TENM4: variants seen among roughly 807,000 people sequenced by gnomAD.
The protein encoded by TENM4 is teneurin transmembrane protein 4.
A neutral mutation model predicts 243.3 loss-of-function variants in TENM4; 82 were observed. The observed-to-expected ratio is 0.34, with a 90% CI of 0.28 to 0.40. TENM4 has a LOEUF of 0.40. Among genes scored for constraint, TENM4 ranks in the 10% least tolerant of loss-of-function variants. The pLI, the probability that TENM4 is intolerant of heterozygous loss-of-function variation, is 1.00. For missense variants in TENM4, 3,138 were observed against 3,673.3 expected, an observed-to-expected ratio of 0.85 and a Z score of 3.77; for synonymous variants, 1,412 against 1,456.3, an observed-to-expected ratio of 0.97 and a Z score of 0.69.
At chr11:78,780,030 T>G (rs371272625) in intron 16 of TENM4, among the ~76,000 whole-genome samples, 2 of 152,082 alleles carry the variant, frequency 1.3e-5, no homozygotes, top group East Asian at 1.9e-4. Flanking sequence ...AGTGGAAAAT[T>G]GGGAAGAGGA....
chr11:78,902,279 C>T (rs978780856), intron 7 of TENM4, among the ~76,000 whole-genome samples: 1 of 152,198 alleles, frequency 6.6e-6, no homozygotes, highest in African/African-American at 2.4e-5. Flanking sequence ...TAGTTTTCTG[C>T]ATTTTCTCCG....
chr11:78,972,745 C>G (rs1459205426), intron 6 of TENM4, among the ~76,000 whole-genome samples: 1 of 152,190 alleles, frequency 6.6e-6, no homozygotes, highest in Non-Finnish European at 1.5e-5. Context: ...AGTATATTCA[C>G]AGAGTATTGC....
intron 2 of TENM4, among the ~76,000 whole-genome samples, chr11:79,285,173 G>A (rs1182288257): frequency 6.6e-6 from 1 of 152,112 alleles, no homozygotes; most frequent in Non-Finnish European, 1.5e-5. Flanking sequence ...GGGAGGCAGA[G>A]GTTGCAGTGA....
chr11:79,373,314 C>T (rs892742405), intron 1 of TENM4, among the ~76,000 whole-genome samples: 1 of 141,918 alleles, frequency 7.0e-6, no homozygotes, highest in Non-Finnish European at 1.5e-5. Context: ...GGCTGGCTGG[C>T]TGGCTGGCTG....
Position 78,889,889 on chromosome 11 carries a change from G to C in TENM4, c.980C>G (p.Ala327Gly). 1 of 1,551,822 alleles carries C rather than the reference G, an allele frequency of 6.4e-7. No individual in the cohort carries two copies. The highest frequency in any genetic ancestry group is 8.7e-7 in the Non-Finnish European group (1 of 1,147,022). ...PLPRSTFARP[A>G]FNLKKPSKYC... ...CTTGGAGGGCTTCTTGAGGTTAAAG[G>C]CCGGCCGGGCGAAGGTGCTGCGGGG... is the stretch of plus-strand genomic sequence containing the variant. Residue 327 changes from alanine (A) to glycine (G), a missense_variant, in exon 9 of 34, where the codon GCC (alanine) becomes GGC (glycine). Physicochemically the swap from Ala to Gly is moderately conservative, Grantham distance 60. This residue lies in a region of TENM4 where 671 missense variants were observed against 614.1 expected (regional missense o/e 1.09). Coordinates refer to ENST00000278550, the MANE Select transcript of TENM4 (RefSeq NM_001098816.3).
rs531035580 is a variant in TENM4 at position 78,881,353 on chromosome 11, G to T, written c.1084+8432C>A. Among the ~76,000 whole-genome samples, 10 of 152,310 alleles carry T rather than the reference G, an allele frequency of 6.6e-5. No homozygotes were observed. In the South Asian group the frequency reaches 1.9e-3, roughly 28 times the overall value. ...TGGTTCCCTTGAGCTGTGACTTCTGGTTGGGTTCCACCACCAGGAGGAGGT... is the reference window on the plus strand; with the variant it reads ...TGGTTCCCTTGAGCTGTGACTTCTGTTTGGGTTCCACCACCAGGAGGAGGT... On this transcript the variant is annotated intron_variant, in intron 9 of 33. Coordinates refer to ENST00000278550, the MANE Select transcript of TENM4 (RefSeq NM_001098816.3).
intron 3 of TENM4, among the ~76,000 whole-genome samples, chr11:79,164,973 G>A (rs1001403148): frequency 5.9e-5 from 9 of 151,700 alleles, no homozygotes; most frequent in South Asian, 2.1e-4. Context: ...GTGTGTGTGT[G>A]TGTGTGTGTG....
intron 3 of TENM4, among the ~76,000 whole-genome samples, chr11:79,166,906 A>G (rs1862927238): frequency 6.6e-6 from 1 of 152,240 alleles, no homozygotes; most frequent in Admixed American, 6.5e-5. Context: ...TATGGTGTGC[A>G]GAAGAATTTC....
Position 78,670,354 on chromosome 11 carries a change from G to T in TENM4, c.5991C>A (p.His1997Gln). ...SVIQDFTEDG[H>Q]LLHTFYLGTG... Reference sequence around the variant, plus strand: ...TGCCCAGGTAGAAGGTGTGAAGGAGGTGCCCATCCTCAGTGAAGTCCTGTA... The same window carrying T: ...TGCCCAGGTAGAAGGTGTGAAGGAGTTGCCCATCCTCAGTGAAGTCCTGTA... Residue 1997 changes from histidine to glutamine, a missense_variant, in exon 32 of 34, where the codon CAC (histidine) becomes CAA (glutamine). Physicochemically the swap from His to Gln is conservative, Grantham distance 24 (BLOSUM62 0). Transcript: ENST00000278550. 6.2e-7 allele frequency: 1 copy of T among 1,613,866 alleles called. No homozygotes were observed. The highest frequency in any genetic ancestry group is 8.5e-7 in the Non-Finnish European group (1 of 1,179,856).
intron 6 of TENM4, among the ~76,000 whole-genome samples, chr11:78,997,573 A>G (rs1377230936): frequency 1.3e-5 from 2 of 152,202 alleles, no homozygotes; most frequent in Non-Finnish European, 2.9e-5. Context: ...ACGTCCCACC[A>G]TCACCTCTTA....
At chr11:79,014,780 G>A (rs1037758411) in intron 6 of TENM4, 2 of 152,240 alleles carry the variant, frequency 1.3e-5, no homozygotes, top group Non-Finnish European at 2.9e-5. Context: ...GCAAAAGTGG[G>A]CAAGAGTGCC....
intron 6 of TENM4, among the ~76,000 whole-genome samples, chr11:78,961,142 C>T (rs2136531236): frequency 6.6e-6 from 1 of 152,312 alleles, no homozygotes; most frequent in African/African-American, 2.4e-5. Context: ...CAGAATCTGG[C>T]CTGGAATTTA....
At chr11:79,056,026 A>G (rs1859935036) in intron 6 of TENM4, among the ~76,000 whole-genome samples, 1 of 152,136 alleles carries the variant, frequency 6.6e-6, no homozygotes, top group South Asian at 2.1e-4. Context: ...TCCTTTCCCA[A>G]TGTTGGTTAT....
chr11:79,146,137 T>A (rs575542478), intron 4 of TENM4, among the ~76,000 whole-genome samples: 82 of 152,094 alleles, frequency 5.4e-4, no homozygotes, highest in Non-Finnish European at 1.0e-3. Flanking sequence ...AGCCACCAAA[T>A]TAATTTCATG....
At chr11:79,245,493 G>C (rs1189590063) in intron 2 of TENM4, among the ~76,000 whole-genome samples, 2 of 152,200 alleles carry the variant, frequency 1.3e-5, no homozygotes, top group Non-Finnish European at 2.9e-5. Context: ...ACCTCAGACT[G>C]TCACTTTCCT....
At chr11:78,871,189 A>G (rs1859117777) in intron 9 of TENM4, among the ~76,000 whole-genome samples, 1 of 152,216 alleles carries the variant, frequency 6.6e-6, no homozygotes, top group Non-Finnish European at 1.5e-5. Flanking sequence ...GACCAGTTAC[A>G]TGACAACTTT....
intron 6 of TENM4, among the ~76,000 whole-genome samples, chr11:79,048,370 C>A (rs1276111560): frequency 1.3e-5 from 2 of 152,214 alleles, no homozygotes; most frequent in African/African-American, 4.8e-5. Flanking sequence ...CAACTTCACA[C>A]CATTCTTCCT....
intron 4 of TENM4, among the ~76,000 whole-genome samples, chr11:79,072,187 T>A (rs1324299897): frequency 6.6e-6 from 1 of 152,062 alleles, no homozygotes; most frequent in African/African-American, 2.4e-5. Context: ...AGTCCATAAT[T>A]AGAAAAACAT....
chr11:78,985,022 A>G (rs1053215542), intron 6 of TENM4, among the ~76,000 whole-genome samples: 2 of 152,156 alleles, frequency 1.3e-5, no homozygotes, highest in African/African-American at 4.8e-5. Flanking sequence ...TTAAGGTGTG[A>G]TCTTATTCAA....
Sources: gnomAD v4.1 joint callset for allele counts (sites outside exome capture counted in the v4.1 genomes callset) on GRCh38, gnomAD v4.1.1 for gene constraint, gnomAD v4.1.1 regional missense constraint, MANE v1.5 for transcripts, NCBI Gene and HGNC (gene_info 2026-07-23, HGNC 2026-07-21) for gene names.